The following RSPO2 variants were observed in gnomAD, a reference collection of about 807,000 sequenced individuals.
RSPO2 encodes R-spondin-2.
In RSPO2, 14 loss-of-function variants were observed where a neutral mutation model predicts 30.9. That is an observed-to-expected ratio of 0.45 (90% CI 0.30 to 0.71). The LOEUF (loss-of-function observed/expected upper bound fraction) is 0.71, where lower values mean the gene tolerates loss of function less well. RSPO2 is among the 30% of genes least tolerant of loss of function. The probability of loss-of-function intolerance (pLI) is 0.08; values close to 1 mark genes in which losing one functional copy is unlikely to be tolerated. For synonymous variants in RSPO2, 107 were observed against 96.4 expected, an observed-to-expected ratio of 1.11 and a Z score of -0.64; for missense variants, 264 against 301.9, an observed-to-expected ratio of 0.87 and a Z score of 0.93.
chr8:108,016,970 T>TA (rs896259645), intron 2 of RSPO2, among the ~76,000 whole-genome samples: 19 of 149,986 alleles, frequency 1.3e-4, no homozygotes, highest in African/African-American at 3.9e-4. Flanking sequence ...AAACCTCCTT[T>TA]AAAAAAAAAT....
At chr8:108,007,069 T>C (rs1190614612) in intron 2 of RSPO2, among the ~76,000 whole-genome samples, 2 of 152,180 alleles carry the variant, frequency 1.3e-5, no homozygotes, top group Non-Finnish European at 2.9e-5. Context: ...ATGTTGTCTA[T>C]ATTCCTATTT....
intron 3 of RSPO2, among the ~76,000 whole-genome samples, chr8:107,962,754 T>C (rs539114440): frequency 1.3e-5 from 2 of 151,944 alleles, no homozygotes; most frequent in African/African-American, 4.8e-5. Context: ...TAATGAGCAT[T>C]CCAAAGGATA....
chr8:107,939,266 T>G (rs1812813261), intron 5 of RSPO2, among the ~76,000 whole-genome samples: 1 of 152,012 alleles, frequency 6.6e-6, no homozygotes, highest in Non-Finnish European at 1.5e-5. Flanking sequence ...TCCCACACTT[T>G]CCCCATGTGA....
chr8:107,939,102 T>C (rs929796276), intron 5 of RSPO2, among the ~76,000 whole-genome samples: 1 of 152,148 alleles, frequency 6.6e-6, no homozygotes, highest in African/African-American at 2.4e-5. Flanking sequence ...AACATGTTTA[T>C]GAGCAAAAAT....
intron 2 of RSPO2, among the ~76,000 whole-genome samples, chr8:108,022,450 G>C (rs1811086259): frequency 6.6e-6 from 1 of 152,108 alleles, no homozygotes; most frequent in Admixed American, 6.5e-5. Flanking sequence ...ACACGTATGA[G>C]AGTTTATATG....
chr8:107,931,180 CCAA>C (rs1438880121), intron 5 of RSPO2, among the ~76,000 whole-genome samples: 5 of 152,112 alleles, frequency 3.3e-5, no homozygotes, highest in African/African-American at 7.2e-5. Flanking sequence ...AAAATTGATA[CCAA>C]CAACAGATAA....
intron 2 of RSPO2, among the ~76,000 whole-genome samples, chr8:107,992,379 AAAC>A (rs1278657212): frequency 2.0e-5 from 3 of 152,098 alleles, no homozygotes; most frequent in Non-Finnish European, 4.4e-5. Flanking sequence ...ACATAGAGGG[AAAC>A]AACAGACCCT....
intron 2 of RSPO2, chr8:108,081,876 C>T (rs1028170040): frequency 1.9e-5 from 19 of 982,938 alleles, no homozygotes; most frequent in Non-Finnish European, 2.2e-5. Flanking sequence ...CCTCTGGAGG[C>T]GAGGACTCCC....
At chr8:107,979,746 C>A (rs972460482) in intron 3 of RSPO2, among the ~76,000 whole-genome samples, 16 of 152,004 alleles carry the variant, frequency 1.1e-4, no homozygotes, top group African/African-American at 3.9e-4. Flanking sequence ...GTCCAATGAA[C>A]CACCTTCTGC....
At chr8:107,974,259 G>A (rs1339235246) in intron 3 of RSPO2, among the ~76,000 whole-genome samples, 1 of 151,790 alleles carries the variant, frequency 6.6e-6, no homozygotes, top group Non-Finnish European at 1.5e-5. Context: ...GGCCGAGGCA[G>A]GAGGGTCACA....
intron 5 of RSPO2, 88 bp from the exon 6 acceptor site, chr8:107,901,278 A>C: frequency 7.0e-7 from 1 of 1,436,068 alleles, no homozygotes; most frequent in Non-Finnish European, 9.3e-7. Flanking sequence ...TTTTGCACAA[A>C]GCCCATCTGG....
At chr8:108,007,883 C>A (rs527947441) in intron 2 of RSPO2, among the ~76,000 whole-genome samples, 2 of 151,876 alleles carry the variant, frequency 1.3e-5, no homozygotes, top group Admixed American at 6.6e-5. Flanking sequence ...GAGGCTGCAG[C>A]GCACCATAAT....
intron 5 of RSPO2, among the ~76,000 whole-genome samples, chr8:107,904,388 G>C (rs755442084): frequency 1.3e-5 from 2 of 151,220 alleles, no homozygotes; most frequent in South Asian, 4.2e-4. Context: ...TGAGTTTTAC[G>C]AGGGGATTGT....
chr8:107,925,006 A>T (rs1347141633), intron 5 of RSPO2, among the ~76,000 whole-genome samples: 1 of 152,116 alleles, frequency 6.6e-6, no homozygotes, highest in Non-Finnish European at 1.5e-5. Context: ...ACTATCCTGC[A>T]CTCAGATAAA....
chr8:108,012,492 A>G (rs1810738841), intron 2 of RSPO2, among the ~76,000 whole-genome samples: 1 of 152,242 alleles, frequency 6.6e-6, no homozygotes, highest in South Asian at 2.1e-4. Flanking sequence ...CAAAAACCCT[A>G]AAATTACATG....
At chr8:108,001,696 G>T (rs1290537056) in intron 2 of RSPO2, among the ~76,000 whole-genome samples, 1 of 152,060 alleles carries the variant, frequency 6.6e-6, no homozygotes, top group African/African-American at 2.4e-5. Flanking sequence ...TTGAAACAAG[G>T]GAAGAATCAC....
intron 3 of RSPO2, among the ~76,000 whole-genome samples, chr8:107,982,009 CAAAAAAAAA>C (rs372977834): frequency 2.2e-4 from 12 of 55,380 alleles, no homozygotes; most frequent in Admixed American, 9.0e-4. Context: ...ACAACAACAA[CAAAAAAAAA>C]AAAAAAAAAA....
chr8:107,967,827 G>C (rs999264775), intron 3 of RSPO2, among the ~76,000 whole-genome samples: 2 of 152,130 alleles, frequency 1.3e-5, no homozygotes, highest in Non-Finnish European at 2.9e-5. Context: ...TAGTACAGTG[G>C]TTAGCAGATC....
At chr8:107,924,909 T>A (rs1812308430) in intron 5 of RSPO2, among the ~76,000 whole-genome samples, 1 of 151,872 alleles carries the variant, frequency 6.6e-6, no homozygotes, top group African/African-American at 2.4e-5. Context: ...ATGAAAGCTT[T>A]TAGCACAAAA....
Sources: allele counts gnomAD v4.1 joint callset (sites outside exome capture counted in the v4.1 genomes callset), GRCh38; gene constraint gnomAD v4.1.1; transcripts MANE v1.5; gene names NCBI Gene and HGNC (gene_info 2026-07-23, HGNC 2026-07-21).